The following NCKAP1 variants were observed in gnomAD, a reference collection of about 807,000 sequenced individuals.
NCKAP1 encodes the protein NCK associated protein 1, also known as nck-associated protein 1.
Under a neutral mutation model 151.2 loss-of-function variants are expected in NCKAP1, and 21 were observed. The observed-to-expected ratio is 0.14, with a 90% CI of 0.10 to 0.20. The LOEUF (loss-of-function observed/expected upper bound fraction) is 0.20. Ranked by LOEUF, NCKAP1 falls within the 10% of genes least tolerant of loss-of-function variation. The pLI is 1.00. For synonymous variants in NCKAP1, 484 were observed against 451.8 expected, an observed-to-expected ratio of 1.07 and a Z score of -0.90; for missense variants, 933 against 1,352.1, an observed-to-expected ratio of 0.69 and a Z score of 4.86.
intron 1 of NCKAP1, among the ~76,000 whole-genome samples, chr2:183,028,110 C>T (rs908451462): frequency 6.6e-6 from 1 of 151,880 alleles, no homozygotes; most frequent in African/African-American, 2.4e-5. Flanking sequence ...ATCCCCCATA[C>T]TCCCAAAAAT....
At chr2:182,991,041 T>A (rs545168846) in intron 8 of NCKAP1, among the ~76,000 whole-genome samples, 3 of 152,230 alleles carry the variant, frequency 2.0e-5, no homozygotes, top group Non-Finnish European at 4.4e-5. Context: ...TATCCTCTTA[T>A]GTACTTGACT....
chr2:183,011,120 C>T (rs1051800628), intron 2 of NCKAP1, among the ~76,000 whole-genome samples: 1 of 152,316 alleles, frequency 6.6e-6, no homozygotes, highest in Non-Finnish European at 1.5e-5. Flanking sequence ...TTATCATTTG[C>T]TCCTGATGAG....
chr2:182,939,336 C>T (rs1470346646), intron 24 of NCKAP1, among the ~76,000 whole-genome samples: 6 of 152,042 alleles, frequency 3.9e-5, no homozygotes, highest in Non-Finnish European at 8.8e-5. Context: ...TCGAGACCAG[C>T]CTGGACAACA....
At chr2:182,994,700 A>T (rs1698233882) in intron 8 of NCKAP1, 139 bp downstream of exon 8, 1 of 682,418 alleles carries the variant, frequency 1.5e-6, no homozygotes. Context: ...GATAGGATCA[A>T]TATGAGGACT....
In NCKAP1 at chr2:182,915,322, GA is replaced by G. The variant is rs1696450117; in HGVS notation, c.*10379del. 1 of 152,032 alleles carries G rather than the reference GA, an allele frequency of 6.6e-6. No individual in the cohort carries two copies. The highest frequency in any genetic ancestry group is 1.5e-5 in the Non-Finnish European group (1 of 67,976). 9.4% of individuals were successfully genotyped at this position (152,032 alleles called of 1,614,324 possible). ...CAAAAACGTTGTATGGTTCACAGCT[GA>G]AGAGAGAATAGTTGAGAGTTGAGTG... On this transcript the variant is annotated 3_prime_UTR_variant, in exon 31 of 31. Coordinates refer to ENST00000361354, the MANE Select transcript of NCKAP1 (RefSeq NM_013436.5).
At chr2:183,012,188 A>G (rs1698601499) in intron 2 of NCKAP1, among the ~76,000 whole-genome samples, 1 of 151,346 alleles carries the variant, frequency 6.6e-6, no homozygotes, top group African/African-American at 2.4e-5. Flanking sequence ...AATAACATGA[A>G]AAGGGTAACA....
At chr2:182,959,971 C>G (rs1213137811) in intron 18 of NCKAP1, among the ~76,000 whole-genome samples, 9 of 152,126 alleles carry the variant, frequency 5.9e-5, no homozygotes, top group South Asian at 4.1e-4. Context: ...TGAGTGAACT[C>G]CCATTCACAA....
rs1696582371 is a variant in NCKAP1 at position 182,923,332 on chromosome 2, G to T, written c.*2370C>A. The T allele has an allele frequency of 6.6e-6, 1 of 151,978 alleles. No individual in the cohort carries two copies. The allele number at this position is 151,978 out of a possible 1,614,324, so 9.4% of individuals were successfully genotyped here. A position where few individuals can be genotyped will look rare whatever the true frequency, so the allele number is the denominator to read the frequency against. ...CTGTCATCCAGGCTGGAGTGCAGTG[G>T]TGTGATCTCAGCTCACAGCAACCTC... On this transcript the variant is annotated 3_prime_UTR_variant, in exon 31 of 31. Transcript: ENST00000361354.
At chr2:182,990,395 A>G (rs1381991976) in intron 8 of NCKAP1, among the ~76,000 whole-genome samples, 1 of 152,184 alleles carries the variant, frequency 6.6e-6, no homozygotes, top group Non-Finnish European at 1.5e-5. Flanking sequence ...AAATACTATT[A>G]AAGTAATAAA....
rs746259459 is a variant in NCKAP1, at chr2:182,956,553, A to T, written c.2062T>A (p.Ser688Thr). 1 of 1,610,656 alleles carries T rather than the reference A, an allele frequency of 6.2e-7. No individual in the cohort carries two copies. The highest frequency in any genetic ancestry group is 2.2e-5 in the East Asian group (1 of 44,774). ...LHTALSELCF[S>T]INYVPNMVVW... ...ACCATGTTTGGTACATAATTTATAG[A>T]GAAGCATAACTCAGAAAGTGCAGTG... Residue 688 changes from serine (S) to threonine (T), a missense_variant, in exon 20 of 31, where the codon TCT becomes ACT. Physicochemically the swap from Ser to Thr is moderately conservative, Grantham distance 58. This residue lies in a region of NCKAP1 where 326 missense variants were observed against 557.1 expected (regional missense o/e 0.59). Coordinates refer to ENST00000361354, the MANE Select transcript of NCKAP1 (RefSeq NM_013436.5).
chr2:182,971,235 A>C (rs1697682838), intron 15 of NCKAP1, among the ~76,000 whole-genome samples: 1 of 151,160 alleles, frequency 6.6e-6, no homozygotes, highest in Non-Finnish European at 1.5e-5. Flanking sequence ...TCTACTAAAA[A>C]TACAAAAAAT....
At chr2:183,023,515 A>G (rs1698834118) in intron 2 of NCKAP1, among the ~76,000 whole-genome samples, 1 of 152,178 alleles carries the variant, frequency 6.6e-6, no homozygotes, top group African/African-American at 2.4e-5. Flanking sequence ...TATCCACACA[A>G]GAATTTGGAA....
chr2:182,910,503 G>A lies in NCKAP1; in HGVS notation c.*15199C>T, dbSNP rs1430133156. 6.6e-6 allele frequency: 1 copy of A among 152,348 alleles called. No homozygotes were observed. Among genetic ancestry groups the A allele is most frequent in the Non-Finnish European group, 1.5e-5 (1 of 68,090 alleles). 9.4% of individuals were successfully genotyped at this position (152,348 alleles called of 1,614,324 possible). A position where few individuals can be genotyped will look rare whatever the true frequency, so the allele number is the denominator to read the frequency against. Reference sequence around the variant, plus strand: ...AAGTTACACTGCCTCGGCAAAGAAAGTGCTTTTCTCCACTGGAACTGCAAA... The same window carrying A: ...AAGTTACACTGCCTCGGCAAAGAAAATGCTTTTCTCCACTGGAACTGCAAA... On this transcript the variant is annotated 3_prime_UTR_variant, in exon 31 of 31. Transcript: ENST00000361354.
At chr2:183,032,957 G>C (rs999363912) in intron 1 of NCKAP1, among the ~76,000 whole-genome samples, 6 of 152,210 alleles carry the variant, frequency 3.9e-5, no homozygotes, top group Admixed American at 2.6e-4. Context: ...GGCTGAGGTG[G>C]GAGGATCGCC....
chr2:183,028,567 T>A (rs1300182573), intron 1 of NCKAP1, among the ~76,000 whole-genome samples: 2 of 152,156 alleles, frequency 1.3e-5, no homozygotes, highest in Non-Finnish European at 2.9e-5. Flanking sequence ...TAATAGCCTA[T>A]ATGACCTTAG....
chr2:182,928,925 A>G (rs74942055), intron 27 of NCKAP1, 26 bp from the exon 28 acceptor site: 99,502 of 1,427,660 alleles, frequency 0.07, 4,040 homozygotes, highest in Non-Finnish European at 0.08. Context: ...TAAGAATAAA[A>G]TCAAGGTATT....
chr2:182,935,232 T>C (rs1011863550), intron 25 of NCKAP1, 61 bp downstream of exon 25: 4 of 1,197,722 alleles, frequency 3.3e-6, no homozygotes, highest in Non-Finnish European at 3.6e-6. Context: ...TAACTTTAAA[T>C]TTCTGAGAAA....
intron 1 of NCKAP1, among the ~76,000 whole-genome samples, chr2:183,029,128 A>G (rs1408465871): frequency 6.6e-6 from 1 of 151,258 alleles, no homozygotes; most frequent in East Asian, 1.9e-4. Flanking sequence ...AAAAGAAACA[A>G]AAAAAAAACT....
chr2:183,022,557 CAGA>C (rs1479321523), intron 2 of NCKAP1, among the ~76,000 whole-genome samples: 1 of 152,126 alleles, frequency 6.6e-6, no homozygotes, highest in Non-Finnish European at 1.5e-5. Context: ...GAGGTCGAAG[CAGA>C]AGGATCCCTT....
Sources: gnomAD v4.1 joint callset for allele counts (sites outside exome capture counted in the v4.1 genomes callset) on GRCh38, gnomAD v4.1.1 for gene constraint, gnomAD v4.1.1 regional missense constraint, MANE v1.5 for transcripts, NCBI Gene and HGNC (gene_info 2026-07-23, HGNC 2026-07-21) for gene names.